VRK3: variants seen among roughly 807,000 people sequenced by gnomAD.
The protein encoded by VRK3 is VRK serine/threonine kinase 3.
In VRK3, 50 loss-of-function variants were observed where a neutral mutation model predicts 60.4. The observed-to-expected ratio is 0.83, with a 90% CI of 0.66 to 1.05. The LOEUF (loss-of-function observed/expected upper bound fraction) is 1.05, where lower values mean the gene tolerates loss of function less well. VRK3 is among the 50% of genes least tolerant of loss of function. The pLI is 0.00. For missense variants in VRK3, 549 were observed against 585.3 expected, an observed-to-expected ratio of 0.94 and a Z score of 0.64; for synonymous variants, 246 against 227.8, an observed-to-expected ratio of 1.08 and a Z score of -0.72.
At chr19:50,018,570 T>C (rs2077112952) in intron 2 of VRK3, among the ~76,000 whole-genome samples, 1 of 152,336 alleles carries the variant, frequency 6.6e-6, no homozygotes, top group African/African-American at 2.4e-5. Context: ...AAAGGAGTCA[T>C]GTAAGACATC....
chr19:50,010,693 G>A (rs1210304187), intron 3 of VRK3, among the ~76,000 whole-genome samples: 17 of 152,130 alleles, frequency 1.1e-4, no homozygotes, highest in African/African-American at 3.4e-4. Flanking sequence ...CGGGTGGATC[G>A]CCTGAGGTCA....
intron 5 of VRK3, among the ~76,000 whole-genome samples, chr19:50,006,643 G>A (rs1348724180): frequency 6.6e-6 from 1 of 152,066 alleles, no homozygotes; most frequent in African/African-American, 2.4e-5. Context: ...CCAAAGTGCT[G>A]GGATTACAGG....
At chr19:50,005,069 G>C (rs770265407) in intron 5 of VRK3, among the ~76,000 whole-genome samples, 2 of 148,622 alleles carry the variant, frequency 1.3e-5, no homozygotes, top group Non-Finnish European at 2.9e-5. Flanking sequence ...GCCTACCTCT[G>C]CCTGGGAAGG....
chr19:50,000,691 G>A (rs1400063193), intron 6 of VRK3, 99 bp downstream of exon 6: 7 of 1,426,512 alleles, frequency 4.9e-6, no homozygotes, highest in Middle Eastern at 1.9e-4. Context: ...CCTGGCCCCC[G>A]GCCGAGCTCT....
Position 50,012,824 on chromosome 19 carries a change from G to A in VRK3, c.139+3200C>T, listed in dbSNP as rs375116883. Among the ~76,000 whole-genome samples the A allele has an allele frequency of 2.3e-4, 35 of 151,578 alleles. No individual in the cohort carries two copies. The South Asian group carries it at 3.3e-3, about 14-fold the overall frequency. ...TGGGAGGCAGAGGTTGCAGTGAGCC[G>A]AGATCGTGCCACTGCACTCTAGCCT... On this transcript the variant is annotated intron_variant, in intron 3 of 14. Coordinates refer to ENST00000316763, the MANE Select transcript of VRK3 (RefSeq NM_016440.4).
At chr19:49,993,828 G>C (rs1009970718) in intron 9 of VRK3, among the ~76,000 whole-genome samples, 2 of 151,890 alleles carry the variant, frequency 1.3e-5, no homozygotes, top group African/African-American at 4.8e-5. Context: ...CTCCACCCCC[G>C]GGGCCCGGGA....
At chr19:50,008,583 G>A (rs2076941655) in intron 4 of VRK3, among the ~76,000 whole-genome samples, 1 of 152,190 alleles carries the variant, frequency 6.6e-6, no homozygotes, top group Non-Finnish European at 1.5e-5. Context: ...CACTGGCTGG[G>A]CAGAGGGTAT....
intron 1 of VRK3, 61 bp from the exon 2 acceptor site, chr19:50,020,708 G>A (rs1264731117): frequency 6.6e-6 from 1 of 152,232 alleles, no homozygotes; most frequent in African/African-American, 2.4e-5. Flanking sequence ...GAAAGATAAT[G>A]GCTAATGTTT....
At chr19:50,014,642 G>T (rs10426566) in intron 3 of VRK3, among the ~76,000 whole-genome samples, 8,000 of 152,204 alleles carry the variant, frequency 0.053, 695 homozygotes, top group African/African-American at 0.18. Context: ...AGGCCCATAA[G>T]GGAAGAGGCG....
At chr19:49,997,148 C>A (rs1469191025) in intron 7 of VRK3, 1 of 164,264 alleles carries the variant, frequency 6.1e-6, no homozygotes, top group African/African-American at 2.4e-5. Flanking sequence ...TTACACCCGG[C>A]TAATTTTTGT....
At chr19:50,020,787 C>G (rs1266050623) in intron 1 of VRK3, 140 bp from the exon 2 acceptor site, 1 of 152,260 alleles carries the variant, frequency 6.6e-6, no homozygotes, top group Non-Finnish European at 1.5e-5. Flanking sequence ...TATAACTATT[C>G]ACCGAGTTTC....
chr19:49,992,820 G>T, intron 10 of VRK3, 40 bp downstream of exon 10: 1 of 1,589,766 alleles, frequency 6.3e-7, no homozygotes. Context: ...GGGAACCTGA[G>T]CCCAGAGATC....
intron 5 of VRK3, among the ~76,000 whole-genome samples, chr19:50,007,354 C>A (rs577204206): frequency 6.6e-6 from 1 of 152,200 alleles, no homozygotes; most frequent in African/African-American, 2.4e-5. Flanking sequence ...CCCCGCCACT[C>A]CCAACTGCCT....
In VRK3 at chr19:49,976,606, C is replaced by T. The variant is rs1333572327; in HGVS notation, c.*190G>A. On this transcript the variant is annotated 3_prime_UTR_variant, in exon 15 of 15. Coordinates refer to ENST00000316763, the MANE Select transcript of VRK3 (RefSeq NM_016440.4). ...CCACCAAGATGGGGAACTTCACATT[C>T]ACGGGAGGGAAACTGGGGCCCTCCG... 6.5e-6 allele frequency: 1 copy of T among 152,692 alleles called. No individual in the cohort carries two copies. The highest frequency in any genetic ancestry group is 1.5e-5 in the Non-Finnish European group (1 of 68,068). 9.5% of individuals were successfully genotyped at this position (152,692 alleles called of 1,614,324 possible).
At chr19:50,010,608 C>G (rs973998743) in intron 3 of VRK3, among the ~76,000 whole-genome samples, 2 of 152,202 alleles carry the variant, frequency 1.3e-5, no homozygotes, top group Non-Finnish European at 2.9e-5. Flanking sequence ...AACGTGAATT[C>G]TTGGTTAGGA....
chr19:49,997,693 A>G (rs1478780564), intron 6 of VRK3, 123 bp from the exon 7 acceptor site: 1 of 1,032,256 alleles, frequency 9.7e-7, no homozygotes, highest in Non-Finnish European at 1.4e-6. Context: ...CCCACATCGG[A>G]GCCAAATTCC....
chr19:49,991,899 T>A lies in VRK3; in HGVS notation c.963+961A>T, dbSNP rs60238107. Reference sequence around the variant, plus strand: ...ACACAGTCCCTTTTGGTTTTTGGCTTAAGGCATGTAAAGTTGGGTTTCTGT... The same window carrying A: ...ACACAGTCCCTTTTGGTTTTTGGCTAAAGGCATGTAAAGTTGGGTTTCTGT... On this transcript the variant is annotated intron_variant, in intron 10 of 14. Coordinates refer to ENST00000316763, the MANE Select transcript of VRK3 (RefSeq NM_016440.4). 0.011 allele frequency among the ~76,000 whole-genome samples: 1,743 copies of A among 152,350 alleles called. 78 individuals are homozygous for A. The East Asian group carries it at 0.11, about 10-fold the overall frequency.
chr19:49,989,254 T>C (rs1176069467), intron 11 of VRK3, among the ~76,000 whole-genome samples: 1 of 152,150 alleles, frequency 6.6e-6, no homozygotes, highest in Non-Finnish European at 1.5e-5. Context: ...TCCCAGGGCT[T>C]CGGCTGATAA....
chr19:49,985,139 A>T (rs535555077), intron 12 of VRK3, among the ~76,000 whole-genome samples: 6 of 152,268 alleles, frequency 3.9e-5, no homozygotes, highest in South Asian at 2.1e-4. Context: ...AACCCATTAG[A>T]GTGTGTGAGG....
Sources: allele counts gnomAD v4.1 joint callset (sites outside exome capture counted in the v4.1 genomes callset), GRCh38; gene constraint gnomAD v4.1.1; transcripts MANE v1.5; gene names NCBI Gene and HGNC (gene_info 2026-07-23, HGNC 2026-07-21).